Variants in RPRD1A observed in about 807,000 individuals in gnomAD.
The protein encoded by RPRD1A is regulation of nuclear pre-mRNA domain-containing protein 1A.
Under a neutral mutation model 37.8 loss-of-function variants are expected in RPRD1A, and 9 were observed. The observed-to-expected ratio is 0.24, with a 90% CI of 0.14 to 0.42. The LOEUF (loss-of-function observed/expected upper bound fraction) is 0.42. Ranked by LOEUF, RPRD1A falls within the 10% of genes least tolerant of loss-of-function variation. RPRD1A has a pLI of 1.00. For missense variants in RPRD1A, 255 were observed against 371.0 expected (o/e 0.69, Z 2.57); for synonymous variants, 138 against 139.7 (o/e 0.99, Z 0.08).
chr18:36,036,087 CA>C (rs930239500), intron 1 of RPRD1A, among the ~76,000 whole-genome samples: 39 of 151,332 alleles, frequency 2.6e-4, no homozygotes, highest in Admixed American at 1.7e-3. Flanking sequence ...ACCACAAAAA[CA>C]AAAAAAATGT....
intron 1 of RPRD1A, among the ~76,000 whole-genome samples, chr18:36,038,557 C>T (rs1396578148): frequency 6.6e-6 from 1 of 152,360 alleles, no homozygotes; most frequent in Non-Finnish European, 1.5e-5. Flanking sequence ...TCTGCTGGGG[C>T]AGTGCGTAGG....
chr18:36,037,709 G>A (rs1912295101), intron 1 of RPRD1A, among the ~76,000 whole-genome samples: 1 of 152,216 alleles, frequency 6.6e-6, no homozygotes, highest in Non-Finnish European at 1.5e-5. Flanking sequence ...CTAGAGACTT[G>A]TTGAATGGCT....
intron 6 of RPRD1A, among the ~76,000 whole-genome samples, chr18:36,012,851 G>A (rs1385416438): frequency 6.6e-6 from 1 of 152,156 alleles, no homozygotes. Context: ...TTTATTAGTA[G>A]GCTAATTAAA....
Position 36,030,829 on chromosome 18 carries a change from T to G in RPRD1A, c.465A>C (p.Gly155=). ...CTACCTGTGGTGGTTCACTTGGAGA[T>G]CCCAGAGAGGAACAGTTTTCATTTT... ...VDENENCSSL[G]SPSEPPQTLD... The change falls in exon 4 of 7, where the codon GGA becomes GGC. Residue 155 remains glycine (G), a synonymous_variant. Coordinates refer to ENST00000399022, the MANE Select transcript of RPRD1A (RefSeq NM_018170.5). 6.2e-7 allele frequency: 1 copy of G among 1,612,330 alleles called. No homozygotes were observed. The highest frequency in any genetic ancestry group is 2.2e-5 in the East Asian group (1 of 44,810).
At chr18:36,057,041 CCT>C (rs1158183936) in intron 1 of RPRD1A, among the ~76,000 whole-genome samples, 5 of 121,158 alleles carry the variant, frequency 4.1e-5, no homozygotes, top group African/African-American at 1.0e-4. Flanking sequence ...ACAGCTAGAC[CCT>C]GTTTCTACAA....
At chr18:36,067,198 G>A in intron 1 of RPRD1A, 56 bp downstream of exon 1, 1 of 1,504,064 alleles carries the variant, frequency 6.6e-7, no homozygotes. Flanking sequence ...GGTTCCCGGG[G>A]GCGCCTGGAG....
chr18:36,018,800 A>C (rs879632671), intron 6 of RPRD1A, among the ~76,000 whole-genome samples: 1 of 152,202 alleles, frequency 6.6e-6, no homozygotes, highest in Non-Finnish European at 1.5e-5. Flanking sequence ...ATGACAATGT[A>C]ATACAGTTGG....
At chr18:36,003,509 C>A (rs942188308) in intron 6 of RPRD1A, among the ~76,000 whole-genome samples, 1 of 152,228 alleles carries the variant, frequency 6.6e-6, no homozygotes, top group African/African-American at 2.4e-5. Context: ...TCAATTTGCA[C>A]TGGTTACAGA....
At chr18:36,000,896 G>T (rs1345727761) in intron 6 of RPRD1A, among the ~76,000 whole-genome samples, 2 of 152,076 alleles carry the variant, frequency 1.3e-5, no homozygotes, top group Admixed American at 1.3e-4. Flanking sequence ...ATTATTTTGG[G>T]GGTGGGTATT....
Position 36,025,854 on chromosome 18 carries a change from TA to T in RPRD1A, c.789+1045del, listed in dbSNP as rs148504378. Reference sequence around the variant, plus strand: ...CAAGTTAATTATCAAATTCATCTTTTAAAAAAAAAAACCATCTTTTCCTTTC... The same window carrying T: ...CAAGTTAATTATCAAATTCATCTTTTAAAAAAAAAACCATCTTTTCCTTTC... On this transcript the variant is annotated intron_variant, in intron 6 of 6. Coordinates refer to ENST00000399022, the MANE Select transcript of RPRD1A (RefSeq NM_018170.5). The T allele has an allele frequency of 4.9e-3, 1,315 of 267,054 alleles. 3 individuals are homozygous for T. The highest frequency in any genetic ancestry group is 0.012 in the South Asian group (314 of 27,196). 16.5% of individuals were successfully genotyped at this position (267,054 alleles called of 1,614,324 possible). A position where few individuals can be genotyped will look rare whatever the true frequency, so the allele number is the denominator to read the frequency against.
At chr18:36,029,950 C>A (rs978540617) in intron 4 of RPRD1A, among the ~76,000 whole-genome samples, 1 of 151,564 alleles carries the variant, frequency 6.6e-6, no homozygotes, top group South Asian at 2.1e-4. Context: ...GGACTACAGG[C>A]GCCCGCCACC....
At chr18:36,020,157 T>C (rs750827386) in intron 6 of RPRD1A, among the ~76,000 whole-genome samples, 8 of 152,310 alleles carry the variant, frequency 5.3e-5, no homozygotes, top group African/African-American at 1.9e-4. Context: ...ATTCTGGATA[T>C]GTTCCGGACT....
chr18:36,006,330 C>T (rs1259329009), intron 6 of RPRD1A, among the ~76,000 whole-genome samples: 1 of 152,062 alleles, frequency 6.6e-6, no homozygotes, highest in East Asian at 1.9e-4. Context: ...AGGCATGTGC[C>T]ACCATGCCTA....
intron 1 of RPRD1A, among the ~76,000 whole-genome samples, chr18:36,042,762 T>C (rs566375175): frequency 1.3e-5 from 2 of 152,302 alleles, no homozygotes; most frequent in East Asian, 3.9e-4. Flanking sequence ...TGACCAAGAC[T>C]AAAGTCTGAC....
intron 6 of RPRD1A, among the ~76,000 whole-genome samples, chr18:36,010,131 T>C (rs1910086842): frequency 6.6e-6 from 1 of 152,176 alleles, no homozygotes; most frequent in African/African-American, 2.4e-5. Flanking sequence ...TGTAATTCTT[T>C]ATTATATTCT....
chr18:36,027,341 AAATT>A, intron 4 of RPRD1A, 31 bp from the exon 5 acceptor site: 1 of 1,611,686 alleles, frequency 6.2e-7, no homozygotes, highest in Non-Finnish European at 8.5e-7. Context: ...GAACCAAAAT[AAATT>A]GAGCTTAAAC....
intron 6 of RPRD1A, among the ~76,000 whole-genome samples, chr18:35,996,977 C>CAAAAA (rs200694089): frequency 2.3e-4 from 13 of 55,618 alleles, no homozygotes; most frequent in African/African-American, 8.3e-4. Context: ...GACCCTGTCT[C>CAAAAA]AAAAAAAAAA....
intron 1 of RPRD1A, among the ~76,000 whole-genome samples, chr18:36,064,744 C>T (rs1159417320): frequency 2.0e-5 from 3 of 152,218 alleles, no homozygotes; most frequent in Non-Finnish European, 4.4e-5. Context: ...CCAGCAGCAA[C>T]AACCCGCTTG....
At chr18:36,018,636 C>T (rs867466904) in intron 6 of RPRD1A, among the ~76,000 whole-genome samples, 23 of 152,068 alleles carry the variant, frequency 1.5e-4, no homozygotes, top group African/African-American at 5.6e-4. Context: ...TACCAGGAGA[C>T]AGAAACTACT....
Sources: gnomAD v4.1 joint callset for allele counts (sites outside exome capture counted in the v4.1 genomes callset) on GRCh38, gnomAD v4.1.1 for gene constraint, MANE v1.5 for transcripts, NCBI Gene and HGNC (gene_info 2026-07-23, HGNC 2026-07-21) for gene names.